ZNF207: variants seen among roughly 807,000 people sequenced by gnomAD.
The protein encoded by ZNF207 is BUB3-interacting and GLEBS motif-containing protein ZNF207.
ZNF207 carries 24 observed loss-of-function variants against 60.2 expected under a neutral mutation model. The observed-to-expected ratio is 0.40, with a 90% confidence interval of 0.29 to 0.56. The LOEUF (loss-of-function observed/expected upper bound fraction) is 0.56, where lower values mean the gene tolerates loss of function less well. ZNF207 is among the 20% of genes least tolerant of loss of function. The probability of loss-of-function intolerance (pLI) is 0.49; values close to 1 mark genes in which losing one functional copy is unlikely to be tolerated. For missense variants in ZNF207, 452 were observed against 636.6 expected, an observed-to-expected ratio of 0.71 and a Z score of 3.12; for synonymous variants, 236 against 194.7, an observed-to-expected ratio of 1.21 and a Z score of -1.77.
chr17:32,364,520 C>T (rs764316899), intron 7 of ZNF207, among the ~76,000 whole-genome samples: 4 of 151,748 alleles, frequency 2.6e-5, no homozygotes, highest in East Asian at 1.9e-4. Context: ...CCACCCCACC[C>T]GACAAATTGT....
intron 8 of ZNF207, 92 bp from the exon 9 acceptor site, chr17:32,366,573 A>G: frequency 1.0e-6 from 1 of 980,194 alleles, no homozygotes; most frequent in Non-Finnish European, 1.4e-6. Context: ...TTGCATTTAC[A>G]AATATGCAAT....
Position 32,357,351 on chromosome 17 carries a change from A to ATTTTTTT in ZNF207, c.169-1143_169-1137dup, listed in dbSNP as rs1164011891. On this transcript the variant is annotated intron_variant, in intron 2 of 11. Transcript: ENST00000394670. Reference sequence around the variant, plus strand: ...TATTATTATTATTATTATTATTATTATTTTTTTTTTTTTTTGAGACAGAAT... The same window carrying ATTTTTTT: ...TATTATTATTATTATTATTATTATTATTTTTTTTTTTTTTTTTTTTTTGAGACAGAAT... Among the ~76,000 whole-genome samples the ATTTTTTT allele has an allele frequency of 2.1e-3, 158 of 73,980 alleles. 4 individuals carry two copies. Among genetic ancestry groups the ATTTTTTT allele is most frequent in the African/African-American group, 8.7e-3 (154 of 17,752 alleles). The allele number at this position is 73,980 out of a possible 152,430, so 48.5% of individuals were successfully genotyped here.
intron 1 of ZNF207, chr17:32,351,396 A>G: frequency 8.4e-7 from 1 of 1,192,214 alleles, no homozygotes; most frequent in Non-Finnish European, 1.1e-6. Context: ...TATCGTCTTC[A>G]TATCTAGTGA....
chr17:32,358,899 A>G lies in ZNF207; in HGVS notation c.307+258A>G, dbSNP rs1904699741. ...ACTGCAACCTCTGCTTCCCAGGTTC[A>G]AGCCATTCTCTTGACTTGGCCTCCT... On this transcript the variant is annotated intron_variant, in intron 3 of 11. Transcript: ENST00000394670. 2.0e-5 allele frequency among the ~76,000 whole-genome samples: 3 copies of G among 151,784 alleles called. No homozygotes were observed. The South Asian group carries it at 6.2e-4, about 32-fold the overall frequency.
rs1180111438 is a variant in ZNF207, at chr17:32,371,182, A to G, written c.*1423A>G. ...TGATTTTTTAGGCATCAAATAACCT[A>G]TGCAAAGTATTAATATAATGAACTC... is the stretch of plus-strand genomic sequence containing the variant. On this transcript the variant is annotated 3_prime_UTR_variant, in exon 12 of 12. Transcript: ENST00000394670. 3.9e-5 allele frequency: 6 copies of G among 152,216 alleles called. No homozygotes were observed. The highest frequency in any genetic ancestry group is 3.3e-4 in the Admixed American group (5 of 15,284). 9.4% of individuals were successfully genotyped at this position (152,216 alleles called of 1,614,324 possible).
rs1252668708 is a variant in ZNF207 at position 32,369,841 on chromosome 17, T to A, written c.*82T>A. 13 of 1,324,024 alleles carry A rather than the reference T, an allele frequency of 9.8e-6. No individual in the cohort carries two copies. The highest frequency in any genetic ancestry group is 1.5e-5 in the African/African-American group (1 of 66,936). The allele number at this position is 1,324,024 out of a possible 1,614,324, so 82.0% of individuals were successfully genotyped here. A position where few individuals can be genotyped will look rare whatever the true frequency, so the allele number is the denominator to read the frequency against. On this transcript the variant is annotated 3_prime_UTR_variant, in exon 12 of 12. Transcript: ENST00000394670. ...GTTTATATAGCCAAGCTTCCGTCAA[T>A]AAGGCTTCATTGTGACTTTAACAAA... is the stretch of plus-strand genomic sequence containing the variant.
chr17:32,352,929 C>T (rs1223888986), intron 2 of ZNF207, among the ~76,000 whole-genome samples: 1 of 152,218 alleles, frequency 6.6e-6, no homozygotes, highest in Non-Finnish European at 1.5e-5. Flanking sequence ...GTAATCCCAG[C>T]GCTTTGGGAG....
In ZNF207 at chr17:32,360,887, T is replaced by G. The variant is rs1393694169; in HGVS notation, c.476-5T>G. ...TATTATTTTGATTGAAATTCTTGCT[T>G]GTAGGCATACCTCCATTAATGCCAG... On this transcript the variant is annotated splice_polypyrimidine_tract_variant and splice_region_variant and intron_variant, in intron 4 of 11. Transcript: ENST00000394670. 1 of 1,614,020 alleles carries G rather than the reference T, an allele frequency of 6.2e-7. No individual in the cohort carries two copies. The highest frequency in any genetic ancestry group is 1.3e-5 in the African/African-American group (1 of 74,940).
In ZNF207 at chr17:32,366,873, C is replaced by T. The variant is rs78869742; in HGVS notation, c.921+116C>T. ...ATATACTGTGTTTACTTTTTTAAAG[C>T]AAAATTAATGCTATATAAGTCAAAT... On this transcript the variant is annotated intron_variant, in intron 9 of 11. Transcript: ENST00000394670. The T allele has an allele frequency of 0.031, 27,164 of 871,614 alleles. 545 individuals carry two copies. The highest frequency in any genetic ancestry group is 0.039 in the Non-Finnish European group (23,739 of 610,126). The allele number at this position is 871,614 out of a possible 1,614,324, so 54.0% of individuals were successfully genotyped here.
At position 32,372,024 on chromosome 17, in the gene ZNF207, G is replaced by C. The variant is rs1179350700; in HGVS notation, c.*2265G>C. On this transcript the variant is annotated 3_prime_UTR_variant, in exon 12 of 12. Transcript: ENST00000394670. ...AAGATAAAAATGGTGTGATAGGCCG[G>C]GCGCAGTGGCTCACGCCTGTAATCC... The C allele has an allele frequency of 6.6e-6, 1 of 152,288 alleles. No individual in the cohort carries two copies. Among genetic ancestry groups the C allele is most frequent in the East Asian group, 1.9e-4 (1 of 5,188 alleles). The allele number at this position is 152,288 out of a possible 1,614,324, so 9.4% of individuals were successfully genotyped here.
In ZNF207 at chr17:32,369,855, G is replaced by A; in HGVS notation, c.*96G>A. ...GCTTCCGTCAATAAGGCTTCATTGTGACTTTAACAAACATTATCTTCCCAC... is the reference window on the plus strand; with the variant it reads ...GCTTCCGTCAATAAGGCTTCATTGTAACTTTAACAAACATTATCTTCCCAC... On this transcript the variant is annotated 3_prime_UTR_variant, in exon 12 of 12. Coordinates refer to ENST00000394670, the MANE Select transcript of ZNF207 (RefSeq NM_001098507.2). 1 of 1,260,546 alleles carries A rather than the reference G, an allele frequency of 7.9e-7. No homozygotes were observed. Among genetic ancestry groups the A allele is most frequent in the Non-Finnish European group, 1.0e-6 (1 of 973,048 alleles). 78.1% of individuals were successfully genotyped at this position (1,260,546 alleles called of 1,614,324 possible). A position where few individuals can be genotyped will look rare whatever the true frequency, so the allele number is the denominator to read the frequency against.
chr17:32,379,033 CAT>C lies in ZNF207; in HGVS notation c.*9275_*9276del, dbSNP rs1905782827. 6.6e-6 allele frequency: 1 copy of C among 152,046 alleles called. No individual in the cohort carries two copies. Among genetic ancestry groups the C allele is most frequent in the Admixed American group, 6.5e-5 (1 of 15,272 alleles). The allele number at this position is 152,046 out of a possible 1,614,324, so 9.4% of individuals were successfully genotyped here. On this transcript the variant is annotated 3_prime_UTR_variant, in exon 12 of 12. Coordinates refer to ENST00000394670, the MANE Select transcript of ZNF207 (RefSeq NM_001098507.2). ...TTGTGCATATTGCTAAATTTTAAAA[CAT>C]GGATTTATCAACTGATAATAAAATA...
intron 6 of ZNF207, among the ~76,000 whole-genome samples, chr17:32,362,120 TAAAA>T (rs1286009653): frequency 2.3e-5 from 3 of 131,700 alleles, no homozygotes; most frequent in East Asian, 4.0e-4. Context: ...TTCCTTTCTC[TAAAA>T]AAAAAAAGTG....
At chr17:32,354,211 G>T (rs191548815) in intron 2 of ZNF207, among the ~76,000 whole-genome samples, 16 of 152,224 alleles carry the variant, frequency 1.1e-4, no homozygotes, top group African/African-American at 3.9e-4. Flanking sequence ...CAACTCCCAG[G>T]ATCAATCGAT....
chr17:32,354,668 A>C (rs1904399111), intron 2 of ZNF207, among the ~76,000 whole-genome samples: 1 of 150,716 alleles, frequency 6.6e-6, no homozygotes, highest in South Asian at 2.1e-4. Flanking sequence ...GCTGGAGTGC[A>C]GTGGGCGTGA....
intron 10 of ZNF207, 63 bp from the exon 11 acceptor site, chr17:32,369,232 G>A (rs1270183610): frequency 6.4e-7 from 1 of 1,556,666 alleles, no homozygotes; most frequent in Non-Finnish European, 8.8e-7. Context: ...TTAGATGCAT[G>A]CCTTTATGCT....
At chr17:32,361,067 T>C in intron 5 of ZNF207, 100 bp downstream of exon 5, 1 of 1,274,218 alleles carries the variant, frequency 7.8e-7, no homozygotes, top group Non-Finnish European at 1.1e-6. Context: ...CATTTTTTGC[T>C]TCTAGAAGGT....
intron 5 of ZNF207, chr17:32,361,241 C>T: frequency 1.8e-6 from 1 of 554,804 alleles, no homozygotes; most frequent in East Asian, 2.9e-5. Flanking sequence ...TATAGATTTG[C>T]GTTTCTGAGA....
rs1339379129 is a variant in ZNF207, at chr17:32,379,223, T to C, written c.*9464T>C. On this transcript the variant is annotated 3_prime_UTR_variant, in exon 12 of 12. Transcript: ENST00000394670. Reference sequence around the variant, plus strand: ...AGCTGCCTTTCTGGTGAGTACTGTTTTATACTTTTATATATTATAATTTTA... The same window carrying C: ...AGCTGCCTTTCTGGTGAGTACTGTTCTATACTTTTATATATTATAATTTTA... 1 of 151,714 alleles carries C rather than the reference T, an allele frequency of 6.6e-6. No homozygotes were observed. The highest frequency in any genetic ancestry group is 1.5e-5 in the Non-Finnish European group (1 of 67,690). 9.4% of individuals were successfully genotyped at this position (151,714 alleles called of 1,614,324 possible). A position where few individuals can be genotyped will look rare whatever the true frequency, so the allele number is the denominator to read the frequency against.
Sources: gnomAD v4.1 joint callset for allele counts (sites outside exome capture counted in the v4.1 genomes callset) on GRCh38, gnomAD v4.1.1 for gene constraint, MANE v1.5 for transcripts, NCBI Gene and HGNC (gene_info 2026-07-23, HGNC 2026-07-21) for gene names.